The following VAPB variants were observed in gnomAD, a reference collection of about 807,000 sequenced individuals.
The protein encoded by VAPB is vesicle-associated membrane protein-associated protein B/C.
A neutral mutation model predicts 25.6 loss-of-function variants in VAPB; 7 were observed. The ratio of observed to expected loss-of-function variants is 0.27; its 90% CI spans 0.16 to 0.51. The LOEUF is 0.51. Ranked by LOEUF, VAPB falls within the 20% of genes least tolerant of loss-of-function variation. The pLI, the probability that VAPB is intolerant of heterozygous loss-of-function variation, is 0.97. For missense variants in VAPB, 266 were observed against 301.3 expected (o/e 0.88, Z 0.87); for synonymous variants, 112 against 109.2 (o/e 1.03, Z -0.16).
intron 1 of VAPB, among the ~76,000 whole-genome samples, chr20:58,394,185 G>C (rs927485448): frequency 6.6e-5 from 10 of 152,210 alleles, no homozygotes; most frequent in Non-Finnish European, 1.0e-4. Flanking sequence ...TACCACTTTT[G>C]GGAGAAAATA....
chr20:58,437,954 A>G (rs1444022872), intron 3 of VAPB, among the ~76,000 whole-genome samples: 1 of 152,110 alleles, frequency 6.6e-6, no homozygotes, highest in Non-Finnish European at 1.5e-5. Flanking sequence ...CTTTTTCTAT[A>G]TCATAACCTT....
intron 2 of VAPB, among the ~76,000 whole-genome samples, chr20:58,430,832 T>C (rs933617292): frequency 6.6e-6 from 1 of 152,240 alleles, no homozygotes; most frequent in African/African-American, 2.4e-5. Flanking sequence ...CGCCTCGGCC[T>C]CCCAAAGTGC....
intron 5 of VAPB, 58 bp downstream of exon 5, chr20:58,441,141 G>C: frequency 1.3e-6 from 2 of 1,579,682 alleles, no homozygotes; most frequent in South Asian, 1.1e-5. Context: ...CTAGCTTCTT[G>C]GGTGGGGAAG....
At chr20:58,411,890 A>G (rs1264765716) in intron 1 of VAPB, among the ~76,000 whole-genome samples, 1 of 152,022 alleles carries the variant, frequency 6.6e-6, no homozygotes, top group Non-Finnish European at 1.5e-5. Context: ...CGTGTTAGCC[A>G]GGATGGTCTC....
rs1200165172 is a variant in VAPB, at chr20:58,445,258, C to T, written c.*1023C>T. 4 of 454,140 alleles carry T rather than the reference C, an allele frequency of 8.8e-6. No individual in the cohort carries two copies. Among genetic ancestry groups the T allele is most frequent in the Admixed American group, 4.7e-5 (2 of 42,548 alleles). The allele number at this position is 454,140 out of a possible 1,614,324, so 28.1% of individuals were successfully genotyped here. A position where few individuals can be genotyped will look rare whatever the true frequency, so the allele number is the denominator to read the frequency against. ...GTCTTCTAGATTGTTCTTATACCAC[C>T]TCTCAACCATTACTCACACTTCCAG... On this transcript the variant is annotated 3_prime_UTR_variant, in exon 6 of 6. Transcript: ENST00000475243.
At chr20:58,436,751 G>T (rs1204950033) in intron 3 of VAPB, among the ~76,000 whole-genome samples, 1 of 152,054 alleles carries the variant, frequency 6.6e-6, no homozygotes, top group East Asian at 1.9e-4. Context: ...TGTGACATTT[G>T]CTTCCTTTCT....
At chr20:58,442,192 GA>G (rs1989176734) in intron 5 of VAPB, among the ~76,000 whole-genome samples, 1 of 152,204 alleles carries the variant, frequency 6.6e-6, no homozygotes, top group Non-Finnish European at 1.5e-5. Flanking sequence ...CTCTGACAGT[GA>G]GGTAGATATA....
chr20:58,447,799 A>G lies in VAPB; in HGVS notation c.*3564A>G, dbSNP rs1056610213. 3 of 453,964 alleles carry G rather than the reference A, an allele frequency of 6.6e-6. No homozygotes were observed. The highest frequency in any genetic ancestry group is 4.0e-5 in the African/African-American group (2 of 49,990). The allele number at this position is 453,964 out of a possible 1,614,324, so 28.1% of individuals were successfully genotyped here. The stretch of plus-strand genomic sequence containing the variant: ...AGAATCCATGCCAAAATACAATGTT[A>G]TATGTCATTTTCAGCTCCTTCTCTA... On this transcript the variant is annotated 3_prime_UTR_variant, in exon 6 of 6. Transcript: ENST00000475243.
rs546742620 is a variant in VAPB at position 58,446,130 on chromosome 20, C to G, written c.*1895C>G. 2.2e-6 allele frequency: 1 copy of G among 454,000 alleles called. No individual in the cohort carries two copies. The highest frequency in any genetic ancestry group is 6.9e-5 in the East Asian group (1 of 14,392). 28.1% of individuals were successfully genotyped at this position (454,000 alleles called of 1,614,324 possible). ...AAATGGTGAACAGACTTAGTTGTTA[C>G]CCAGGCACCCATGGATTGTGTTGAG... On this transcript the variant is annotated 3_prime_UTR_variant, in exon 6 of 6. Transcript: ENST00000475243.
intron 1 of VAPB, among the ~76,000 whole-genome samples, chr20:58,413,568 A>G (rs1988434354): frequency 6.6e-6 from 1 of 152,046 alleles, no homozygotes; most frequent in African/African-American, 2.4e-5. Context: ...CATGGCAACC[A>G]TCCGATTTCT....
At chr20:58,399,099 G>A (rs1234816954) in intron 1 of VAPB, among the ~76,000 whole-genome samples, 9 of 152,026 alleles carry the variant, frequency 5.9e-5, no homozygotes, top group African/African-American at 1.9e-4. Flanking sequence ...TCAGGAGTTC[G>A]AGACCAGCGT....
rs1292680205 is a variant in VAPB, at chr20:58,447,588, A to G, written c.*3353A>G. 8 of 454,032 alleles carry G rather than the reference A, an allele frequency of 1.8e-5. No individual in the cohort carries two copies. The highest frequency in any genetic ancestry group is 3.1e-5 in the Non-Finnish European group (7 of 226,802). The allele number at this position is 454,032 out of a possible 1,614,324, so 28.1% of individuals were successfully genotyped here. On this transcript the variant is annotated 3_prime_UTR_variant, in exon 6 of 6. Coordinates refer to ENST00000475243, the MANE Select transcript of VAPB (RefSeq NM_004738.5). Reference sequence around the variant, plus strand: ...GTTTGCAGGCTATGTTGAGTCAGATAGAACTGAATGTAGTGAGAGCTCAGA... The same window carrying G: ...GTTTGCAGGCTATGTTGAGTCAGATGGAACTGAATGTAGTGAGAGCTCAGA...
chr20:58,445,418 C>T lies in VAPB; in HGVS notation c.*1183C>T. ...TGGGGAGCAAGGGAAGAGAGAAACT[C>T]TTCAGCGAATCCTTCTAGTACTAGT... On this transcript the variant is annotated 3_prime_UTR_variant, in exon 6 of 6. Transcript: ENST00000475243. 2.2e-6 allele frequency: 1 copy of T among 454,494 alleles called. No homozygotes were observed. Among genetic ancestry groups the T allele is most frequent in the Non-Finnish European group, 4.4e-6 (1 of 226,798 alleles). 28.2% of individuals were successfully genotyped at this position (454,494 alleles called of 1,614,324 possible).
chr20:58,429,711 G>T (rs1238424587), intron 2 of VAPB, among the ~76,000 whole-genome samples: 1 of 152,210 alleles, frequency 6.6e-6, no homozygotes. Flanking sequence ...GAAAACTCAA[G>T]ACCTGGTTTG....
intron 2 of VAPB, among the ~76,000 whole-genome samples, chr20:58,427,770 A>AG (rs1236559583): frequency 1.3e-5 from 2 of 151,878 alleles, no homozygotes; most frequent in East Asian, 3.9e-4. Flanking sequence ...GATGCAGATG[A>AG]AAGTGATCTG....
At chr20:58,418,749 C>T (rs564271687) in intron 2 of VAPB, among the ~76,000 whole-genome samples, 3 of 152,272 alleles carry the variant, frequency 2.0e-5, no homozygotes, top group Non-Finnish European at 4.4e-5. Flanking sequence ...TGGGAGAAAG[C>T]TAAATGGAGT....
chr20:58,438,989 A>G lies in VAPB; in HGVS notation c.360A>G (p.Arg120=), dbSNP rs1308944501. 1 of 1,613,840 alleles carries G rather than the reference A, an allele frequency of 6.2e-7. No homozygotes were observed. Among genetic ancestry groups the G allele is most frequent in the Non-Finnish European group, 8.5e-7 (1 of 1,180,018 alleles). ...AAGACCTTATGGATTCAAAACTTAG[A>G]TGTGTGTTTGAATTGCCAGCAGAGA... ...KPEDLMDSKL[R]CVFELPAEND... is the part of the protein sequence containing the mutation. The change falls in exon 4 of 6, where the codon AGA becomes AGG. Residue 120 remains arginine, a synonymous_variant. Transcript: ENST00000475243.
rs886056824 is a variant in VAPB at position 58,448,441 on chromosome 20, G to A, written c.*4206G>A. 2 of 453,966 alleles carry A rather than the reference G, an allele frequency of 4.4e-6. No homozygotes were observed. The highest frequency in any genetic ancestry group is 1.6e-5 in the South Asian group (1 of 64,468). 28.1% of individuals were successfully genotyped at this position (453,966 alleles called of 1,614,324 possible). ...TGTATAGAACATTTCCAATACATTC[G>A]CTCATTGAACTTAATCCTTGCAACT... is the stretch of plus-strand genomic sequence containing the variant. On this transcript the variant is annotated 3_prime_UTR_variant, in exon 6 of 6. Coordinates refer to ENST00000475243, the MANE Select transcript of VAPB (RefSeq NM_004738.5).
At position 58,445,754 on chromosome 20, in the gene VAPB, T is replaced by G. The variant is rs1247025361; in HGVS notation, c.*1519T>G. ...TTTTGGTTGTCTTCAGCTGACAGTATGAAAAATGAAACTGCTGAAAAAGCT... is the reference window on the plus strand; with the variant it reads ...TTTTGGTTGTCTTCAGCTGACAGTAGGAAAAATGAAACTGCTGAAAAAGCT... On this transcript the variant is annotated 3_prime_UTR_variant, in exon 6 of 6. Transcript: ENST00000475243. 2.2e-6 allele frequency: 1 copy of G among 453,084 alleles called. No homozygotes were observed. Among genetic ancestry groups the G allele is most frequent in the Non-Finnish European group, 4.4e-6 (1 of 226,632 alleles). The allele number at this position is 453,084 out of a possible 1,614,324, so 28.1% of individuals were successfully genotyped here.
Sources: allele counts gnomAD v4.1 joint callset (sites outside exome capture counted in the v4.1 genomes callset), GRCh38; gene constraint gnomAD v4.1.1; transcripts MANE v1.5; gene names NCBI Gene and HGNC (gene_info 2026-07-23, HGNC 2026-07-21).